Variants in CCDC141 observed in about 807,000 individuals in gnomAD.
CCDC141 encodes coiled-coil domain containing 141.
CCDC141 carries 168 observed loss-of-function variants against 181.0 expected under a neutral mutation model. The ratio of observed to expected loss-of-function variants is 0.93; its 90% CI spans 0.82 to 1.05. CCDC141 has a LOEUF of 1.05. Among genes scored for constraint, CCDC141 ranks in the 50% least tolerant of loss-of-function variants. The pLI is 0.00. For synonymous variants in CCDC141, 666 were observed against 642.3 expected (o/e 1.04, Z -0.56); for missense variants, 1,902 against 1,788.5 (o/e 1.06, Z -1.14).
intron 2 of CCDC141, among the ~76,000 whole-genome samples, chr2:179,033,975 T>G (rs1301938526): frequency 6.6e-6 from 1 of 152,184 alleles, no homozygotes; most frequent in African/African-American, 2.4e-5. Flanking sequence ...AAATTACTAA[T>G]TTAAAACTTT....
At position 178,837,298 on chromosome 2, in the gene CCDC141, T is replaced by C. The variant is rs747054248; in HGVS notation, c.3921A>G (p.Glu1307=). ...TGATTCTGTGTAAGGCAGTACTCTT[T>C]TCCACGAATCCTCTGGAGGTTAGTG... The part of the protein sequence containing the change: ...EPPLTSRGFV[E]KSTALHRISA... The change falls in exon 23 of 24, where the codon GAA becomes GAG. Residue 1307 remains glutamate, a synonymous_variant. Transcript: ENST00000443758. 2.5e-6 allele frequency: 4 copies of C among 1,614,086 alleles called. No individual in the cohort carries two copies. The highest frequency in any genetic ancestry group is 3.3e-4 in the Middle Eastern group (2 of 6,062).
Position 178,860,665 on chromosome 2 carries a change from T to C in CCDC141, c.2725-4268A>G, listed in dbSNP as rs759348368. ...ACCTTGGCATCCCAATTGTAGAATA[T>C]TCAGACTTAGTACCAGAGAGATTTC... On this transcript the variant is annotated intron_variant, in intron 17 of 23. Coordinates refer to ENST00000443758, the MANE Select transcript of CCDC141 (RefSeq NM_173648.4). 1.6e-4 allele frequency among the ~76,000 whole-genome samples: 22 copies of C among 140,664 alleles called. 1 individual carries two copies. The highest frequency in any genetic ancestry group is 3.0e-4 in the Non-Finnish European group (20 of 66,188). 92.3% of individuals were successfully genotyped at this position (140,664 alleles called of 152,430 possible).
intron 6 of CCDC141, among the ~76,000 whole-genome samples, chr2:178,937,012 G>C (rs1689319109): frequency 6.6e-6 from 1 of 152,112 alleles, no homozygotes; most frequent in South Asian, 2.1e-4. Context: ...GGGTTTTCTA[G>C]ATATAGAATC....
Position 178,978,611 on chromosome 2 carries a change from T to A in CCDC141, c.290A>T (p.Asp97Val). 1 of 1,549,786 alleles carries A rather than the reference T, an allele frequency of 6.5e-7. No homozygotes were observed. The highest frequency in any genetic ancestry group is 8.7e-7 in the Non-Finnish European group (1 of 1,146,626). ...CATGGCATCATAGACCTGACTCTGA[T>A]CCTTGTTCTCTTCAGCTGTCTTGTC... ...EADKTAEENK[D>V]QSQVYDAMAE... Residue 97 changes from aspartate (D) to valine (V), a missense_variant, in exon 3 of 24, where the codon GAT becomes GTT. By Grantham distance (152) the Asp-to-Val change is radical. Coordinates refer to ENST00000443758, the MANE Select transcript of CCDC141 (RefSeq NM_173648.4).
chr2:178,841,239 A>T (rs549304310), intron 22 of CCDC141, among the ~76,000 whole-genome samples: 3 of 152,358 alleles, frequency 2.0e-5, no homozygotes, highest in African/African-American at 7.2e-5. Context: ...TGAACTACTT[A>T]ACACTCTTGA....
At chr2:178,960,430 A>T (rs1394322506) in intron 5 of CCDC141, among the ~76,000 whole-genome samples, 1 of 152,188 alleles carries the variant, frequency 6.6e-6, no homozygotes, top group Non-Finnish European at 1.5e-5. Flanking sequence ...AACATATGAA[A>T]AAACCTCTTT....
chr2:178,878,689 G>A (rs1686462799), intron 11 of CCDC141, among the ~76,000 whole-genome samples: 1 of 152,150 alleles, frequency 6.6e-6, no homozygotes, highest in Non-Finnish European at 1.5e-5. Context: ...AATCTATTTG[G>A]ATTGTTGATT....
chr2:178,934,730 G>A (rs1689220350), intron 6 of CCDC141, among the ~76,000 whole-genome samples: 1 of 152,178 alleles, frequency 6.6e-6, no homozygotes, highest in Admixed American at 6.5e-5. Context: ...TTACTGAGTA[G>A]ACTAACAAGC....
At chr2:178,865,966 A>G (rs1332688495) in intron 16 of CCDC141, 50 bp from the exon 17 acceptor site, 1 of 1,333,354 alleles carries the variant, frequency 7.5e-7, no homozygotes, top group Non-Finnish European at 9.8e-7. Flanking sequence ...AACAGCAATA[A>G]GACGAGTAGG....
intron 2 of CCDC141, among the ~76,000 whole-genome samples, chr2:178,994,346 C>G (rs996844298): frequency 6.6e-6 from 1 of 152,198 alleles, no homozygotes; most frequent in Non-Finnish European, 1.5e-5. Flanking sequence ...GGCTTGACAC[C>G]ATGTGGAAGC....
chr2:178,924,491 T>C (rs1170982446), intron 6 of CCDC141, among the ~76,000 whole-genome samples: 3 of 152,202 alleles, frequency 2.0e-5, no homozygotes, highest in African/African-American at 7.2e-5. Flanking sequence ...CTTAAGATTT[T>C]TTTTTTTTAC....
At chr2:179,049,725 G>T in intron 1 of CCDC141, 115 bp downstream of exon 1, 1 of 1,095,314 alleles carries the variant, frequency 9.1e-7, no homozygotes, top group Non-Finnish European at 1.3e-6. Flanking sequence ...AAGAGTGCTT[G>T]CTGCGTTGTC....
intron 2 of CCDC141, among the ~76,000 whole-genome samples, chr2:178,989,356 G>A (rs1691914783): frequency 6.6e-6 from 1 of 152,010 alleles, no homozygotes; most frequent in African/African-American, 2.4e-5. Context: ...CTCTTTGGGA[G>A]GCCGAGGCAG....
intron 8 of CCDC141, among the ~76,000 whole-genome samples, chr2:178,903,347 G>A (rs1301375074): frequency 6.6e-6 from 1 of 151,804 alleles, no homozygotes; most frequent in Non-Finnish European, 1.5e-5. Context: ...GCAAAGACTT[G>A]GAACCAACTG....
At chr2:178,920,250 T>C (rs528191405) in intron 6 of CCDC141, among the ~76,000 whole-genome samples, 2 of 152,340 alleles carry the variant, frequency 1.3e-5, no homozygotes, top group East Asian at 3.9e-4. Flanking sequence ...TGCCTTGTTC[T>C]ACCAGTACAA....
At chr2:179,044,130 C>T (rs1400981446) in intron 2 of CCDC141, among the ~76,000 whole-genome samples, 1 of 152,100 alleles carries the variant, frequency 6.6e-6, no homozygotes, top group East Asian at 1.9e-4. Context: ...AGGGGAAGTA[C>T]AAACCACTGC....
At chr2:178,994,227 C>G (rs1692181939) in intron 2 of CCDC141, among the ~76,000 whole-genome samples, 1 of 152,206 alleles carries the variant, frequency 6.6e-6, no homozygotes, top group Admixed American at 6.5e-5. Flanking sequence ...TCCATGAGGG[C>G]CCTGCCCCTG....
chr2:178,998,120 T>TAC (rs1692372070), intron 2 of CCDC141, among the ~76,000 whole-genome samples: 1 of 152,242 alleles, frequency 6.6e-6, no homozygotes, highest in Non-Finnish European at 1.5e-5. Context: ...TATTTGTATA[T>TAC]TGATTTCTAG....
chr2:178,902,298 G>T (rs1197636616), intron 8 of CCDC141, among the ~76,000 whole-genome samples: 1 of 152,148 alleles, frequency 6.6e-6, no homozygotes, highest in Non-Finnish European at 1.5e-5. Flanking sequence ...GCATCGCCAA[G>T]TCAATCCTAA....
Sources: gnomAD v4.1 joint callset for allele counts (sites outside exome capture counted in the v4.1 genomes callset) on GRCh38, gnomAD v4.1.1 for gene constraint, MANE v1.5 for transcripts, NCBI Gene and HGNC (gene_info 2026-07-23, HGNC 2026-07-21) for gene names.